The following CDHR4 variants were observed in gnomAD, a reference collection of about 807,000 sequenced individuals.
CDHR4 encodes cadherin related family member 4.
CDHR4 carries 89 observed loss-of-function variants against 88.4 expected under a neutral mutation model. The ratio of observed to expected loss-of-function variants is 1.01; its 90% CI spans 0.85 to 1.20. The LOEUF is 1.20. CDHR4 is among the 50% of genes most tolerant of loss of function. CDHR4 has a pLI of 0.00. For synonymous variants in CDHR4, 368 were observed against 399.2 expected, an observed-to-expected ratio of 0.92 and a Z score of 0.93; for missense variants, 914 against 1,007.2, an observed-to-expected ratio of 0.91 and a Z score of 1.25.
In CDHR4 at chr3:49,792,597, A is replaced by G. The variant is rs746625980; in HGVS notation, c.2009T>C (p.Met670Thr). 3 of 1,551,518 alleles carry G rather than the reference A, an allele frequency of 1.9e-6. No homozygotes were observed. The highest frequency in any genetic ancestry group is 2.4e-5 in the South Asian group (2 of 84,062). The change falls in exon 15 of 19, where the codon ATG (methionine) becomes ACG (threonine). Residue 670 changes from methionine to threonine, a missense_variant. Physicochemically the swap from Met to Thr is moderately conservative, Grantham distance 81 (BLOSUM62 -1). Coordinates refer to ENST00000412678, the MANE Select transcript of CDHR4 (RefSeq NM_001007540.4). ...STHRTTVPST[M>T]TPMLVTDTEA... ...TGTGTCTGTCACGAGCATGGGTGTCATCGTTGAGGGCACCTGAAAAGGAGG... is the reference window on the plus strand; with the variant it reads ...TGTGTCTGTCACGAGCATGGGTGTCGTCGTTGAGGGCACCTGAAAAGGAGG...
chr3:49,792,331 G>A (rs1463961250), intron 15 of CDHR4, 137 bp downstream of exon 15: 2 of 1,094,670 alleles, frequency 1.8e-6, no homozygotes, highest in South Asian at 1.6e-5. Context: ...TCTGGAGGGA[G>A]AGTAGCCCTC....
chr3:49,795,365 G>C lies in CDHR4; in HGVS notation c.862C>G (p.Arg288Gly). The change falls in exon 8 of 19, where the codon CGG becomes GGG. Residue 288 changes from arginine (R) to glycine (G), a missense_variant. Coordinates refer to ENST00000412678, the MANE Select transcript of CDHR4 (RefSeq NM_001007540.4). This position sits in a 1 kb window ranked among gnomAD's most constrained non-coding sequence, Gnocchi z 5.4. ...GCTAACTCTAGGGGCGTGGTGGTCC[G>C]GACCACACCGTCTGCTGCATGGGGT... ...FSIGRADGVVRTTTPLELART... is the reference protein window; with the variant it reads ...FSIGRADGVVGTTTPLELART... 6.4e-7 allele frequency: 1 copy of C among 1,550,552 alleles called. No homozygotes were observed. The highest frequency in any genetic ancestry group is 8.7e-7 in the Non-Finnish European group (1 of 1,146,898).
At position 49,793,991 on chromosome 3, in the gene CDHR4, A is replaced by G; in HGVS notation, c.1295T>C (p.Leu432Pro). The G allele has an allele frequency of 6.4e-7, 1 of 1,551,612 alleles. No individual in the cohort carries two copies. Among genetic ancestry groups the G allele is most frequent in the Non-Finnish European group, 8.7e-7 (1 of 1,146,978 alleles). The change falls in exon 11 of 19, where the codon CTG (leucine) becomes CCG (proline). Residue 432 changes from leucine (L) to proline (P), a missense_variant. Coordinates refer to ENST00000412678, the MANE Select transcript of CDHR4 (RefSeq NM_001007540.4). ...QPQMTTEVPV[L>P]VMVTPINEFS... ...CTCGTTGATGGGTGTCACCATCACC[A>G]GTACCGGCACCTCAGCTGGAAGTCA...
Position 49,799,017 on chromosome 3 carries a change from C to T in CDHR4, c.380G>A (p.Cys127Tyr), listed in dbSNP as rs2081319418. ...DVQRDLSHIQ[C>Y]AGQFASPAGE... ...ACCTGGGCTGGCAAATTGACCAGCA[C>T]ACTGGATATGGCTAAGGTCCCGCTG... The change falls in exon 3 of 19, where the codon TGT becomes TAT. Residue 127 changes from cysteine (C) to tyrosine (Y), a missense_variant. By Grantham distance (194) the Cys-to-Tyr change is radical (BLOSUM62 -2). Coordinates refer to ENST00000412678, the MANE Select transcript of CDHR4 (RefSeq NM_001007540.4). The T allele has an allele frequency of 3.1e-6, 5 of 1,607,902 alleles. No individual in the cohort carries two copies. In the South Asian group the frequency reaches 5.6e-5, roughly 18 times the overall value.
chr3:49,795,018 G>C lies in CDHR4; in HGVS notation c.1114C>G (p.Leu372Val). ...CTGCGGAACCACAGCTTGTAGTCCAGGGTGGCACCAACAGAGTCCGGATCT... is the reference window on the plus strand; with the variant it reads ...CTGCGGAACCACAGCTTGTAGTCCACGGTGGCACCAACAGAGTCCGGATCT... ...CEDPDSVGATLDYKLWFRSSS... is the reference protein window; with the variant it reads ...CEDPDSVGATVDYKLWFRSSS... Residue 372 changes from leucine (L) to valine (V), a missense_variant, in exon 9 of 19, where the codon CTG (leucine) becomes GTG (valine). Coordinates refer to ENST00000412678, the MANE Select transcript of CDHR4 (RefSeq NM_001007540.4). This position sits in a 1 kb window ranked among gnomAD's most constrained non-coding sequence, Gnocchi z 5.4. 17 of 1,551,716 alleles carry C rather than the reference G, an allele frequency of 1.1e-5. No homozygotes were observed. The highest frequency in any genetic ancestry group is 1.5e-5 in the Non-Finnish European group (17 of 1,146,990).
chr3:49,802,810 T>G (rs2081380425), upstream of CDHR4, among the ~76,000 whole-genome samples: 1 of 152,170 alleles, frequency 6.6e-6, no homozygotes, highest in Non-Finnish European at 1.5e-5. Flanking sequence ...AGTCCCGCCC[T>G]CTCTTGAGTC....
chr3:49,791,793 C>A lies in CDHR4; in HGVS notation c.2204G>T (p.Gly735Val). The A allele has an allele frequency of 6.4e-7, 1 of 1,551,708 alleles. No individual in the cohort carries two copies. ...AQALLLNSIQGTEGSIEGFLE... is the reference protein window; with the variant it reads ...AQALLLNSIQVTEGSIEGFLE... ...GAAACCCTCGATGGATCCCTCAGTT[C>A]CCTGGATGCTGGGGCAAAGTACGAG... The change falls in exon 17 of 19, where the codon GGA becomes GTA. Residue 735 changes from glycine to valine, a missense_variant. Physicochemically the swap from Gly to Val is moderately radical, Grantham distance 109 (BLOSUM62 -3). Transcript: ENST00000412678.
At chr3:49,800,065 A>C (rs1406319660), upstream of CDHR4, among the ~76,000 whole-genome samples, 1 of 152,170 alleles carries the variant, frequency 6.6e-6, no homozygotes, top group Non-Finnish European at 1.5e-5. Context: ...AGGAGGATTA[A>C]GGTTCAGATG....
chr3:49,795,394 AGAACACAGAGGTCAGGGGTCAGG>A lies in CDHR4; in HGVS notation c.848-38_848-16del. The A allele has an allele frequency of 2.6e-6, 4 of 1,548,686 alleles. No individual in the cohort carries two copies. Among genetic ancestry groups the A allele is most frequent in the Middle Eastern group, 3.7e-4 (2 of 5,378 alleles). On this transcript the variant is annotated splice_polypyrimidine_tract_variant and intron_variant, in intron 7 of 18. Coordinates refer to ENST00000412678, the MANE Select transcript of CDHR4 (RefSeq NM_001007540.4). This position sits in a 1 kb window ranked among gnomAD's most constrained non-coding sequence, Gnocchi z 5.4. Reference sequence around the variant, plus strand: ...CACACCGTCTGCTGCATGGGGTGAGAGAACACAGAGGTCAGGGGTCAGGGAACACAGAGATCAGCCCCGCCTCC... The same window carrying A: ...CACACCGTCTGCTGCATGGGGTGAGAGAACACAGAGATCAGCCCCGCCTCC...
rs1255625320 is a variant in CDHR4, at chr3:49,791,955, C to G, written c.2143G>C (p.Ala715Pro). ...TTGCTGGGTGCTTGCAGCAGCTGGG[C>G]CAACCTAAAATGCCAGGAGGAGTAA... ...WLLGRLLQGL[A>P]QLLQAPSKPA... is the part of the protein sequence containing the mutation. The change falls in exon 16 of 19, where the codon GCC (alanine) becomes CCC (proline). Residue 715 changes from alanine to proline, a missense_variant. Ala to Pro is a conservative substitution (Grantham distance 27, BLOSUM62 -1). Coordinates refer to ENST00000412678, the MANE Select transcript of CDHR4 (RefSeq NM_001007540.4). 2 of 1,551,616 alleles carry G rather than the reference C, an allele frequency of 1.3e-6. No homozygotes were observed. The highest frequency in any genetic ancestry group is 4.9e-5 in the East Asian group (2 of 40,920).
rs2081204024 is a variant in CDHR4, at chr3:49,792,956, A to G, written c.1893T>C (p.Asp631=). 3.9e-6 allele frequency: 6 copies of G among 1,551,666 alleles called. No individual in the cohort carries two copies. The highest frequency in any genetic ancestry group is 5.2e-6 in the Non-Finnish European group (6 of 1,146,988). ...RTYELLICVA[D]AGPSTPHLST... ...TGAGGTGGGGGGTGGAGGGGCCTGC[A>G]TCGGCCACACAGATCAGTAGCTCAT... The change falls in exon 14 of 19, where the codon GAT becomes GAC. Residue 631 remains aspartate, a synonymous_variant. Transcript: ENST00000412678.
At chr3:49,791,059 C>G (rs1208365348) in intron 18 of CDHR4, among the ~76,000 whole-genome samples, 172 bp from the exon 19 acceptor site, 1 of 152,162 alleles carries the variant, frequency 6.6e-6, no homozygotes, top group Non-Finnish European at 1.5e-5. Context: ...CAAATTCTCT[C>G]AACTCTGACT....
intron 4 of CDHR4, among the ~76,000 whole-genome samples, chr3:49,797,526 G>C (rs1406336387): frequency 2.0e-5 from 3 of 151,952 alleles, no homozygotes; most frequent in Non-Finnish European, 2.9e-5. Context: ...TTGTTGCCCA[G>C]GCTGGAGTGC....
Position 49,790,740 on chromosome 3 carries a change from T to C in CDHR4, c.*92A>G. On this transcript the variant is annotated 3_prime_UTR_variant, in exon 19 of 19. Coordinates refer to ENST00000412678, the MANE Select transcript of CDHR4 (RefSeq NM_001007540.4). ...GGCTACAAGGCTAGAACTTTTCTTT[T>C]TGTAATTTTGTTTATTATGAATCAA... 8.5e-7 allele frequency: 1 copy of C among 1,180,330 alleles called. No homozygotes were observed. Among genetic ancestry groups the C allele is most frequent in the South Asian group, 1.5e-5 (1 of 66,248 alleles). 73.1% of individuals were successfully genotyped at this position (1,180,330 alleles called of 1,614,324 possible). A position where few individuals can be genotyped will look rare whatever the true frequency, so the allele number is the denominator to read the frequency against.
Position 49,795,204 on chromosome 3 carries a change from C to A in CDHR4, c.1023G>T (p.Ala341=). 2 of 1,551,612 alleles carry A rather than the reference C, an allele frequency of 1.3e-6. No individual in the cohort carries two copies. The highest frequency in any genetic ancestry group is 1.7e-6 in the Non-Finnish European group (2 of 1,146,970). Residue 341 remains alanine (A), a synonymous_variant, in exon 8 of 19, where the codon GCG becomes GCT. Coordinates refer to ENST00000412678, the MANE Select transcript of CDHR4 (RefSeq NM_001007540.4). This position sits in a 1 kb window ranked among gnomAD's most constrained non-coding sequence, Gnocchi z 5.4. ...GGTTCCCGGGTACTCACACCAGAAG[C>A]GCTGGGAGGCAGCGTGGAGGCCAGA... The part of the protein sequence containing the change: ...VNLWPPRCLP[A]LLVSQIPETA...
chr3:49,792,745 C>T lies in CDHR4; in HGVS notation c.1995+109G>A, dbSNP rs568475616. 363 of 1,453,354 alleles carry T rather than the reference C, an allele frequency of 2.5e-4. 8 individuals are homozygous for T. The South Asian group carries it at 4.5e-3, about 18-fold the overall frequency. 90.0% of individuals were successfully genotyped at this position (1,453,354 alleles called of 1,614,324 possible). On this transcript the variant is annotated intron_variant, in intron 14 of 18. Transcript: ENST00000412678. Reference sequence around the variant, plus strand: ...ACACTGCTGGGCTCTCCGCACTCTGCGCTTCCCTCTGAACTGCCTTCCCCA... The same window carrying T: ...ACACTGCTGGGCTCTCCGCACTCTGTGCTTCCCTCTGAACTGCCTTCCCCA...
intron 9 of CDHR4, 60 bp from the exon 10 acceptor site, chr3:49,794,761 C>T (rs1403289068): frequency 1.8e-5 from 26 of 1,478,652 alleles, no homozygotes; most frequent in African/African-American, 2.8e-5. Flanking sequence ...CTGAGCCACA[C>T]GGGGCTGCTG....
rs754847832 is a variant in CDHR4 at position 49,792,966 on chromosome 3, C to A, written c.1883G>T (p.Cys628Phe). The change falls in exon 14 of 19, where the codon TGT becomes TTT. Residue 628 changes from cysteine to phenylalanine, a missense_variant. Coordinates refer to ENST00000412678, the MANE Select transcript of CDHR4 (RefSeq NM_001007540.4). The stretch of plus-strand genomic sequence containing the variant: ...GGTGGAGGGGCCTGCATCGGCCACA[C>A]AGATCAGTAGCTCATAGGTACGGGG... ...EQPRTYELLI[C>F]VADAGPSTPH... 26 of 1,551,560 alleles carry A rather than the reference C, an allele frequency of 1.7e-5. 1 individual carries two copies. In the East Asian group the frequency reaches 5.4e-4, roughly 32 times the overall value.
rs757478428 is a variant in CDHR4, at chr3:49,799,800, T to C, written c.13A>G (p.Arg5Gly). The C allele has an allele frequency of 4.5e-5, 72 of 1,613,720 alleles. 1 individual carries two copies. The South Asian group carries it at 6.7e-4, about 15-fold the overall frequency. The change falls in exon 1 of 19, where the codon AGG becomes GGG. Residue 5 changes from arginine (R) to glycine (G), a missense_variant. Physicochemically the swap from Arg to Gly is moderately radical, Grantham distance 125. Transcript: ENST00000412678. ...GGAGCAAAGAGGAACACGAGGAGCC[T>C]GAGCAGCACCATGATGACCTGAAGA... MVLL[R>G]LLVFLFAPVV...
Sources: allele counts gnomAD v4.1 joint callset (sites outside exome capture counted in the v4.1 genomes callset), GRCh38; gene constraint gnomAD v4.1.1; non-coding constraint Gnocchi (gnomAD v3.1); transcripts MANE v1.5; gene names NCBI Gene and HGNC (gene_info 2026-07-23, HGNC 2026-07-21).